Variants in SF3B1 observed in about 807,000 individuals in gnomAD.
SF3B1 encodes the protein pre-mRNA processing 10.
In SF3B1, 12 loss-of-function variants were observed where a neutral mutation model predicts 153.8. The observed-to-expected ratio is 0.08, with a 90% confidence interval of 0.05 to 0.13. SF3B1 has a LOEUF of 0.13. SF3B1 is among the 10% of genes least tolerant of loss of function. The probability of loss-of-function intolerance (pLI) is 1.00; values close to 1 mark genes in which losing one functional copy is unlikely to be tolerated. For synonymous variants in SF3B1, 498 were observed against 525.2 expected, an observed-to-expected ratio of 0.95 and a Z score of 0.71; for missense variants, 513 against 1,606.1, an observed-to-expected ratio of 0.32 and a Z score of 11.63.
intron 20 of SF3B1, chr2:197,398,792 G>T: frequency 1.8e-6 from 1 of 555,474 alleles, no homozygotes; most frequent in Non-Finnish European, 3.2e-6. Context: ...AGAAATCAGT[G>T]AAGTGATTTA....
intron 7 of SF3B1, among the ~76,000 whole-genome samples, chr2:197,409,275 T>C (rs1450597384): frequency 6.6e-6 from 1 of 152,040 alleles, no homozygotes; most frequent in African/African-American, 2.4e-5. Flanking sequence ...GGCGCATGCC[T>C]GTAATCCCAG....
chr2:197,431,502 G>A (rs1207443621), intron 1 of SF3B1, among the ~76,000 whole-genome samples: 2 of 151,766 alleles, frequency 1.3e-5, no homozygotes, highest in African/African-American at 2.4e-5. Flanking sequence ...TTCATTTTTC[G>A]TCTGAATTAT....
chr2:197,421,432 A>C (rs2085240681), intron 2 of SF3B1, among the ~76,000 whole-genome samples: 1 of 152,224 alleles, frequency 6.6e-6, no homozygotes, highest in Admixed American at 6.5e-5. Context: ...TTTTCACAGA[A>C]GACAAAATGT....
Position 197,402,911 on chromosome 2 carries a change from G to C in SF3B1, c.1806+38C>G. On this transcript the variant is annotated intron_variant, in intron 13 of 24. Coordinates refer to ENST00000335508, the MANE Select transcript of SF3B1 (RefSeq NM_012433.4). The surrounding 1 kb of genome is among the most constrained non-coding windows in gnomAD (Gnocchi z 4.6). Reference sequence around the variant, plus strand: ...CTTTCCATAATCAATTCCATAAACAGATATAAATTTTCTTCTCTAGAAATT... The same window carrying C: ...CTTTCCATAATCAATTCCATAAACACATATAAATTTTCTTCTCTAGAAATT... The C allele has an allele frequency of 6.2e-7, 1 of 1,606,710 alleles. No individual in the cohort carries two copies. The highest frequency in any genetic ancestry group is 8.5e-7 in the Non-Finnish European group (1 of 1,174,444).
intron 1 of SF3B1, among the ~76,000 whole-genome samples, chr2:197,430,809 T>C (rs1296344537): frequency 6.6e-6 from 1 of 152,174 alleles, no homozygotes. Flanking sequence ...TGTTGTTTTG[T>C]TTTTCTGAGA....
chr2:197,434,429 G>A (rs972259789), intron 1 of SF3B1, among the ~76,000 whole-genome samples: 1 of 152,178 alleles, frequency 6.6e-6, no homozygotes, highest in Non-Finnish European at 1.5e-5. Context: ...CTAAGGGAGG[G>A]AAAACAACTA....
chr2:197,418,146 G>A (rs559065621), intron 5 of SF3B1, among the ~76,000 whole-genome samples: 1 of 146,210 alleles, frequency 6.8e-6, no homozygotes, highest in African/African-American at 2.5e-5. Context: ...TGAAGTGGGA[G>A]GATAACTTGA....
Position 197,427,428 on chromosome 2 carries a change from G to A in SF3B1, c.29-3454C>T, listed in dbSNP as rs570203729. Among the ~76,000 whole-genome samples the A allele has an allele frequency of 8.5e-5, 13 of 152,248 alleles. No individual in the cohort carries two copies. The East Asian group carries it at 1.5e-3, about 18-fold the overall frequency. ...ACCATGTGATCCATAAAATTAAGCC[G>A]TCAGATTCCATAAAACTCAGCAGCT... On this transcript the variant is annotated intron_variant, in intron 1 of 24. Coordinates refer to ENST00000335508, the MANE Select transcript of SF3B1 (RefSeq NM_012433.4).
intron 1 of SF3B1, 60 bp from the exon 2 acceptor site, chr2:197,424,034 T>A (rs2085291116): frequency 7.2e-7 from 1 of 1,385,692 alleles, no homozygotes; most frequent in Non-Finnish European, 1.0e-6. Flanking sequence ...CCCAACACAA[T>A]GCATTTCTTT....
chr2:197,409,784 G>A lies in SF3B1; in HGVS notation c.890C>T (p.Pro297Leu). Residue 297 changes from proline to leucine, a missense_variant, in exon 7 of 25, where the codon CCC becomes CTC. This residue lies in a region of SF3B1 where 91 missense variants were observed against 157.4 expected (regional missense o/e 0.58). Coordinates refer to ENST00000335508, the MANE Select transcript of SF3B1 (RefSeq NM_012433.4). The stretch of plus-strand genomic sequence containing the variant: ...ACTAGAAGTACCTCTCTCTGTTTTG[G>A]GGGTTTCATCCCATCTGTTTTTACG... The part of the protein sequence containing the change: ...SARKNRWDET[P>L]KTERDTPGHG... 6.2e-7 allele frequency: 1 copy of A among 1,613,340 alleles called. No homozygotes were observed. The highest frequency in any genetic ancestry group is 8.5e-7 in the Non-Finnish European group (1 of 1,179,358).
At chr2:197,434,452 C>T (rs180685543) in intron 1 of SF3B1, among the ~76,000 whole-genome samples, 2 of 152,128 alleles carry the variant, frequency 1.3e-5, no homozygotes, top group Non-Finnish European at 2.9e-5. Flanking sequence ...AGATTTTATC[C>T]CCAAATCGTT....
chr2:197,412,029 A>G, intron 6 of SF3B1, among the ~76,000 whole-genome samples: 1 of 151,628 alleles, frequency 6.6e-6, no homozygotes, highest in East Asian at 1.9e-4. Flanking sequence ...AGAATTGCCT[A>G]AACCCAGGAG....
At chr2:197,427,340 A>G (rs1029192956) in intron 1 of SF3B1, among the ~76,000 whole-genome samples, 1 of 152,242 alleles carries the variant, frequency 6.6e-6, no homozygotes, top group African/African-American at 2.4e-5. Context: ...CTATAGATAT[A>G]AAGTCCAAAC....
chr2:197,393,102 T>C lies in SF3B1; in HGVS notation c.3626A>G (p.Asn1209Ser). 1 of 1,613,836 alleles carries C rather than the reference T, an allele frequency of 6.2e-7. No individual in the cohort carries two copies. Among genetic ancestry groups the C allele is most frequent in the Non-Finnish European group, 8.5e-7 (1 of 1,179,706 alleles). The part of the protein sequence containing the change: ...VYGFGCEDSL[N>S]HLLNYVWPNV... The stretch of plus-strand genomic sequence containing the variant: ...GGGCCATACATAGTTCAACAAGTGA[T>C]TCAGCGAATCTTCACAACCAAATCC... Residue 1209 changes from asparagine to serine, a missense_variant, in exon 24 of 25, where the codon AAT becomes AGT. Asn to Ser is a conservative substitution (Grantham distance 46, BLOSUM62 1). Around this residue, in one of 21 missense-constraint regions of SF3B1, gnomAD observed 27 missense variants for 126.1 expected, o/e 0.21. Transcript: ENST00000335508.
At position 197,418,492 on chromosome 2, in the gene SF3B1, G is replaced by A. The variant is rs1351334092; in HGVS notation, c.495+17C>T. On this transcript the variant is annotated intron_variant, in intron 5 of 24. Coordinates refer to ENST00000335508, the MANE Select transcript of SF3B1 (RefSeq NM_012433.4). ...TATTCTTTCACAACCATTAAAACAGGAGACAGGTTTACATACTTCTTCTTT... is the reference window on the plus strand; with the variant it reads ...TATTCTTTCACAACCATTAAAACAGAAGACAGGTTTACATACTTCTTCTTT... 1.9e-6 allele frequency: 3 copies of A among 1,567,198 alleles called. No homozygotes were observed. Among genetic ancestry groups the A allele is most frequent in the East Asian group, 2.3e-5 (1 of 44,408 alleles).
chr2:197,404,966 T>C, intron 11 of SF3B1, 110 bp downstream of exon 11: 1 of 714,192 alleles, frequency 1.4e-6, no homozygotes. Context: ...GAGGATCACT[T>C]GAGACCAGCC....
At chr2:197,425,978 T>TGA (rs796444896) in intron 1 of SF3B1, among the ~76,000 whole-genome samples, 1 of 152,044 alleles carries the variant, frequency 6.6e-6, no homozygotes, top group African/African-American at 2.4e-5. Flanking sequence ...CCAGCCTGGA[T>TGA]GAGAGAGAGA....
chr2:197,432,629 G>A (rs2085457373), intron 1 of SF3B1, among the ~76,000 whole-genome samples: 1 of 152,196 alleles, frequency 6.6e-6, no homozygotes, highest in South Asian at 2.1e-4. Context: ...CAGCACTTTG[G>A]GAGGCCAAGG....
Position 197,408,135 on chromosome 2 carries a change from A to T in SF3B1, c.1118-16T>A. ...ATTATGTGACCTACCAAGAAAAGCA[A>T]ATTTTTATATAATCTATAGTACAAG... On this transcript the variant is annotated splice_polypyrimidine_tract_variant and intron_variant, in intron 8 of 24. Transcript: ENST00000335508. 6.2e-7 allele frequency: 1 copy of T among 1,600,400 alleles called. No homozygotes were observed. The highest frequency in any genetic ancestry group is 8.6e-7 in the Non-Finnish European group (1 of 1,168,502).
Sources: gnomAD v4.1 joint callset for allele counts (sites outside exome capture counted in the v4.1 genomes callset) on GRCh38, gnomAD v4.1.1 for gene constraint, gnomAD v4.1.1 regional missense constraint, Gnocchi (gnomAD v3.1) non-coding constraint, MANE v1.5 for transcripts, NCBI Gene and HGNC (gene_info 2026-07-23, HGNC 2026-07-21) for gene names.